The following HORMAD2 variants were observed in gnomAD, a reference collection of about 807,000 sequenced individuals.
The protein encoded by HORMAD2 is HORMA domain containing 2.
Under a neutral mutation model 38.8 loss-of-function variants are expected in HORMAD2, and 45 were observed. The ratio of observed to expected loss-of-function variants is 1.16; its 90% confidence interval spans 0.91 to 1.49. The LOEUF is 1.49. HORMAD2 is among the 40% of genes most tolerant of loss of function. The pLI is 0.00. For synonymous variants in HORMAD2, 126 were observed against 122.8 expected, an observed-to-expected ratio of 1.03 and a Z score of -0.17; for missense variants, 338 against 367.0, an observed-to-expected ratio of 0.92 and a Z score of 0.65.
chr22:30,141,682 C>T (rs774499352), intron 10 of HORMAD2, among the ~76,000 whole-genome samples: 2 of 151,658 alleles, frequency 1.3e-5, no homozygotes, highest in Non-Finnish European at 2.9e-5. Flanking sequence ...GCAACCTCCG[C>T]CTCCTGAGTT....
chr22:30,176,059 A>G lies in HORMAD2; in HGVS notation c.820-4A>G, dbSNP rs1376689088. Reference sequence around the variant, plus strand: ...ATTGTGCCTCTCTCTGGTGATTCTCACAGATTCAAAGAATGAATTTTGTGT... The same window carrying G: ...ATTGTGCCTCTCTCTGGTGATTCTCGCAGATTCAAAGAATGAATTTTGTGT... On this transcript the variant is annotated splice_region_variant and splice_polypyrimidine_tract_variant and intron_variant, in intron 10 of 10. Coordinates refer to ENST00000336726, the MANE Select transcript of HORMAD2 (RefSeq NM_152510.4). 18 of 1,599,652 alleles carry G rather than the reference A, an allele frequency of 1.1e-5. No individual in the cohort carries two copies. Among genetic ancestry groups the G allele is most frequent in the Non-Finnish European group, 1.5e-5 (17 of 1,167,370 alleles).
intron 1 of HORMAD2, among the ~76,000 whole-genome samples, chr22:30,093,002 G>A (rs1434735729): frequency 3.3e-5 from 5 of 152,008 alleles, no homozygotes; most frequent in South Asian, 2.1e-4. Context: ...AATTTTAGGA[G>A]TTTTTTTCCG....
At chr22:30,183,989 A>G in the HORMAD2 span, among the ~76,000 whole-genome samples, 1 of 152,226 alleles carries the variant, frequency 6.6e-6, no homozygotes, top group African/African-American at 2.4e-5. Context: ...TGTATGTTAA[A>G]GAATTGGTGT....
intron 1 of HORMAD2, among the ~76,000 whole-genome samples, chr22:30,092,865 G>A (rs1266235052): frequency 1.3e-5 from 2 of 152,058 alleles, no homozygotes; most frequent in East Asian, 3.9e-4. Context: ...TTTTATACCA[G>A]TGCCATGCTG....
chr22:30,118,873 G>T (rs1663801754), intron 7 of HORMAD2, 107 bp from the exon 8 acceptor site: 1 of 709,382 alleles, frequency 1.4e-6, no homozygotes, highest in African/African-American at 1.8e-5. Flanking sequence ...AGCTATATAG[G>T]AAGTACAGTA....
chr22:30,183,250 A>G, the HORMAD2 span, among the ~76,000 whole-genome samples: 35 of 152,328 alleles, frequency 2.3e-4, no homozygotes, highest in African/African-American at 8.4e-4. Context: ...TAAATGGGAT[A>G]ATCAGGGAAA....
Position 30,176,131 on chromosome 22 carries a change from T to G in HORMAD2, c.888T>G (p.Ser296Arg). 6.2e-7 allele frequency: 1 copy of G among 1,612,652 alleles called. No individual in the cohort carries two copies. Among genetic ancestry groups the G allele is most frequent in the South Asian group, 1.1e-5 (1 of 91,070 alleles). The change falls in exon 11 of 11, where the codon AGT (serine) becomes AGG (arginine). Residue 296 changes from serine (S) to arginine (R), a missense_variant. Ser to Arg is a moderately radical substitution (Grantham distance 110). Transcript: ENST00000336726. ...GCTCCAGGAAGAAGAGGAAGGTCAGTGAACCAGTGAAGGTCTTCATCCCTA... is the reference window on the plus strand; with the variant it reads ...GCTCCAGGAAGAAGAGGAAGGTCAGGGAACCAGTGAAGGTCTTCATCCCTA... The part of the protein sequence containing the change: ...SECSRKKRKV[S>R]EPVKVFIPNR...
At chr22:30,082,666 T>G (rs559506545) in intron 1 of HORMAD2, among the ~76,000 whole-genome samples, 4 of 150,896 alleles carry the variant, frequency 2.7e-5, no homozygotes, top group South Asian at 4.2e-4. Context: ...TGGTGGTGCA[T>G]GCATATAGTC....
At chr22:30,154,129 C>G (rs995467528) in intron 10 of HORMAD2, among the ~76,000 whole-genome samples, 1 of 152,132 alleles carries the variant, frequency 6.6e-6, no homozygotes, top group Admixed American at 6.5e-5. Context: ...TTTTCTCTGG[C>G]CTTCTTTCTG....
intron 2 of HORMAD2, among the ~76,000 whole-genome samples, chr22:30,098,503 G>T (rs528016925): frequency 6.6e-6 from 1 of 152,144 alleles, no homozygotes; most frequent in Admixed American, 6.5e-5. Flanking sequence ...ACTTTGGAGA[G>T]AATAGTTTAG....
the HORMAD2 span, among the ~76,000 whole-genome samples, chr22:30,187,902 G>T: frequency 2.0e-5 from 3 of 151,950 alleles, no homozygotes; most frequent in Admixed American, 2.0e-4. Flanking sequence ...AGTGGGGGTG[G>T]TGTGGGGGAG....
chr22:30,206,574 C>T, the HORMAD2 span, among the ~76,000 whole-genome samples: 38 of 152,264 alleles, frequency 2.5e-4, no homozygotes, highest in African/African-American at 9.1e-4. Context: ...CCTCAAACTC[C>T]TGGGCTCAAG....
chr22:30,206,148 C>T, the HORMAD2 span, among the ~76,000 whole-genome samples: 3 of 152,170 alleles, frequency 2.0e-5, no homozygotes, highest in East Asian at 3.9e-4. Context: ...ATGAGGACAC[C>T]GAGACCCAGA....
chr22:30,129,834 T>C (rs978255453), intron 10 of HORMAD2, among the ~76,000 whole-genome samples: 4 of 152,086 alleles, frequency 2.6e-5, no homozygotes, highest in Non-Finnish European at 5.9e-5. Flanking sequence ...TGTGGATGAA[T>C]CATATTTTGA....
intron 10 of HORMAD2, among the ~76,000 whole-genome samples, chr22:30,174,921 T>C (rs1022732329): frequency 1.3e-5 from 2 of 152,098 alleles, no homozygotes; most frequent in Non-Finnish European, 2.9e-5. Flanking sequence ...CTATATCTTT[T>C]CTCAGAGTTT....
At chr22:30,204,714 A>G in the HORMAD2 span, among the ~76,000 whole-genome samples, 1 of 152,184 alleles carries the variant, frequency 6.6e-6, no homozygotes, top group African/African-American at 2.4e-5. Flanking sequence ...GGTGATGGGA[A>G]AGACGTTGTT....
At chr22:30,082,461 G>A (rs2068498816) in intron 1 of HORMAD2, among the ~76,000 whole-genome samples, 1 of 151,974 alleles carries the variant, frequency 6.6e-6, no homozygotes, top group Non-Finnish European at 1.5e-5. Context: ...ACATAGTAGG[G>A]GTAAAATAGG....
chr22:30,154,029 G>C (rs1419836935), intron 10 of HORMAD2, among the ~76,000 whole-genome samples: 1 of 152,092 alleles, frequency 6.6e-6, no homozygotes, highest in Non-Finnish European at 1.5e-5. Context: ...TCACTTCACT[G>C]TTTATGGCTT....
chr22:30,117,525 T>C (rs1922132013), intron 7 of HORMAD2, among the ~76,000 whole-genome samples: 2 of 152,146 alleles, frequency 1.3e-5, no homozygotes, highest in South Asian at 2.1e-4. Context: ...ATTCTATTTT[T>C]TGAGATGGAG....
Sources: allele counts gnomAD v4.1 joint callset (sites outside exome capture counted in the v4.1 genomes callset), GRCh38; gene constraint gnomAD v4.1.1; transcripts MANE v1.5; gene names NCBI Gene and HGNC (gene_info 2026-07-23, HGNC 2026-07-21).